PLD1: variants seen among roughly 807,000 people sequenced by gnomAD.
The protein encoded by PLD1 is phospholipase D1.
A neutral mutation model predicts 137.1 loss-of-function variants in PLD1; 112 were observed. The observed-to-expected ratio is 0.82, with a 90% CI of 0.70 to 0.96. PLD1 has a LOEUF of 0.96. Among genes scored for constraint, PLD1 ranks in the 40% least tolerant of loss-of-function variants. The pLI is 0.00. For missense variants in PLD1, 1,321 were observed against 1,342.0 expected (o/e 0.98, Z 0.24); for synonymous variants, 431 against 454.7 (o/e 0.95, Z 0.66).
intron 12 of PLD1, among the ~76,000 whole-genome samples, chr3:171,694,399 A>G (rs1234073591): frequency 6.6e-6 from 1 of 152,172 alleles, no homozygotes; most frequent in East Asian, 1.9e-4. Flanking sequence ...GAAAGTGAAC[A>G]GATTAATTTT....
intron 25 of PLD1, among the ~76,000 whole-genome samples, chr3:171,609,553 C>CACACACA (rs1553797587): frequency 2.3e-4 from 31 of 136,102 alleles, no homozygotes; most frequent in African/African-American, 8.7e-4. Context: ...CACACACACA[C>CACACACA]ACCAGAGAAA....
chr3:171,635,453 C>T (rs1232007289), intron 23 of PLD1, among the ~76,000 whole-genome samples: 1 of 151,798 alleles, frequency 6.6e-6, no homozygotes, highest in East Asian at 1.9e-4. Context: ...TTATTATGGC[C>T]ATCCTAGTGA....
chr3:171,618,718 G>GCA (rs2108288291), intron 24 of PLD1, among the ~76,000 whole-genome samples: 1 of 127,008 alleles, frequency 7.9e-6, no homozygotes, highest in East Asian at 2.1e-4. Context: ...TTAAAAGTGT[G>GCA]TATGTGTGTG....
intron 18 of PLD1, among the ~76,000 whole-genome samples, chr3:171,675,252 G>A (rs946880744): frequency 1.3e-5 from 2 of 152,004 alleles, no homozygotes; most frequent in Admixed American, 6.6e-5. Context: ...TACTGATTAT[G>A]TTCTAGATAT....
chr3:171,659,156 T>C, intron 21 of PLD1, 57 bp downstream of exon 21: 1 of 1,192,018 alleles, frequency 8.4e-7, no homozygotes, highest in Admixed American at 1.8e-5. Flanking sequence ...TGCAAAGTCA[T>C]TTTAGTAATA....
At chr3:171,795,309 C>T (rs1197827512) in intron 1 of PLD1, among the ~76,000 whole-genome samples, 1 of 152,176 alleles carries the variant, frequency 6.6e-6, no homozygotes, top group African/African-American at 2.4e-5. Context: ...CGCCTTTATT[C>T]AATGGGAGAC....
At position 171,734,882 on chromosome 3, in the gene PLD1, G is replaced by A; in HGVS notation, c.523C>T (p.Gln175Ter). Residue 175 changes from glutamine (Q) to a stop codon, truncating the protein, a stop_gained, in exon 5 of 27, where the codon CAA becomes TAA. Coordinates refer to ENST00000351298, the MANE Select transcript of PLD1 (RefSeq NM_002662.5). LOFTEE classifies it high-confidence loss of function. ...AAACTTACTCTTCTACCAAGGAATT[G>A]TTCTTCTCTTATCATGTTTTCAGAT... is the stretch of plus-strand genomic sequence containing the variant. ...RSSENMIREEQFLGRRKQLED... is the reference protein window; with the variant it reads ...RSSENMIREE The A allele has an allele frequency of 6.2e-7, 1 of 1,606,052 alleles. No individual in the cohort carries two copies. Among genetic ancestry groups the A allele is most frequent in the Non-Finnish European group, 8.5e-7 (1 of 1,172,748 alleles).
chr3:171,711,120 C>T (rs183038151), intron 9 of PLD1, among the ~76,000 whole-genome samples: 3 of 150,036 alleles, frequency 2.0e-5, no homozygotes, highest in Admixed American at 1.3e-4. Flanking sequence ...CGGCCTGCCT[C>T]GGCCTCCCAA....
chr3:171,635,909 C>A (rs547026408), intron 23 of PLD1, among the ~76,000 whole-genome samples: 2 of 140,774 alleles, frequency 1.4e-5, no homozygotes, highest in African/African-American at 5.2e-5. Context: ...TACATTTAGG[C>A]CTTTGATCCA....
At chr3:171,764,930 A>AAAGAAAGAAAGAAAGGAAGGAAGGAAGG (rs1721818109) in intron 1 of PLD1, among the ~76,000 whole-genome samples, 1 of 27,560 alleles carries the variant, frequency 3.6e-5, no homozygotes, top group African/African-American at 1.4e-4. Context: ...GAAAGGAAAG[A>AAAGAAAGAAAGAAAGGAAGGAAGGAAGG]AAGGAAAGAA....
chr3:171,626,482 GATT>G (rs774642539), intron 23 of PLD1, among the ~76,000 whole-genome samples: 3 of 152,070 alleles, frequency 2.0e-5, no homozygotes, highest in Non-Finnish European at 4.4e-5. Flanking sequence ...CCAACATTCA[GATT>G]CAGGAAATAC....
chr3:171,743,568 G>A (rs115952852), intron 1 of PLD1, among the ~76,000 whole-genome samples: 1,703 of 152,180 alleles, frequency 0.011, 40 homozygotes, highest in African/African-American at 0.039. Context: ...TCCCCATAGC[G>A]CTCTCCACTT....
chr3:171,601,958 T>C lies in PLD1; in HGVS notation c.*1120A>G, dbSNP rs1167387285. 1 of 152,236 alleles carries C rather than the reference T, an allele frequency of 6.6e-6. No individual in the cohort carries two copies. Among genetic ancestry groups the C allele is most frequent in the Non-Finnish European group, 1.5e-5 (1 of 68,046 alleles). 9.4% of individuals were successfully genotyped at this position (152,236 alleles called of 1,614,324 possible). ...AGAGGCGTTAATACATATTTAATAA[T>C]GTAAGTGAAGTAGCACATATTTTAT... On this transcript the variant is annotated 3_prime_UTR_variant, in exon 27 of 27. Coordinates refer to ENST00000351298, the MANE Select transcript of PLD1 (RefSeq NM_002662.5).
chr3:171,710,290 T>C (rs913010283), intron 9 of PLD1, among the ~76,000 whole-genome samples: 2 of 152,206 alleles, frequency 1.3e-5, no homozygotes, highest in African/African-American at 4.8e-5. Context: ...CTCGATCTCC[T>C]GACCTCGTGA....
chr3:171,724,986 G>A (rs1463346942), intron 7 of PLD1, among the ~76,000 whole-genome samples, 198 bp from the exon 8 acceptor site: 2 of 152,076 alleles, frequency 1.3e-5, no homozygotes, highest in Non-Finnish European at 2.9e-5. Context: ...ATACACTGGT[G>A]AGATATAGCC....
intron 1 of PLD1, chr3:171,764,986 GAA>G (rs1578441164): frequency 1.4e-5 from 2 of 139,582 alleles, no homozygotes; most frequent in African/African-American, 2.7e-5. Context: ...AAGAAAGAAA[GAA>G]AGAAAGAAAG....
At chr3:171,799,933 A>G (rs1723578773) in intron 1 of PLD1, among the ~76,000 whole-genome samples, 1 of 152,186 alleles carries the variant, frequency 6.6e-6, no homozygotes, top group East Asian at 1.9e-4. Flanking sequence ...CTGAGCAACC[A>G]TGATAACCAA....
intron 25 of PLD1, among the ~76,000 whole-genome samples, chr3:171,608,295 C>T (rs1188954888): frequency 6.6e-6 from 1 of 152,116 alleles, no homozygotes; most frequent in East Asian, 1.9e-4. Context: ...AAATTGAAGT[C>T]CATACCTTGT....
chr3:171,676,922 C>T (rs956177922), intron 17 of PLD1, 89 bp from the exon 18 acceptor site: 3 of 826,562 alleles, frequency 3.6e-6, no homozygotes, highest in African/African-American at 1.7e-5. Context: ...TAAAAGGAAA[C>T]GTGGGTTAGT....
Sources: allele counts gnomAD v4.1 joint callset (sites outside exome capture counted in the v4.1 genomes callset), GRCh38; gene constraint gnomAD v4.1.1; transcripts MANE v1.5; gene names NCBI Gene and HGNC (gene_info 2026-07-23, HGNC 2026-07-21).